Variants in ENTREP2 observed in about 807,000 individuals in gnomAD.
ENTREP2 encodes endosomal transmembrane epsin interactor 2.
At chr15:29,396,963 T>TAA in the ENTREP2 span, among the ~76,000 whole-genome samples, 1 of 152,160 alleles carries the variant, frequency 6.6e-6, no homozygotes, top group Non-Finnish European at 1.5e-5. Flanking sequence ...AATAAGCAGA[T>TAA]AGAGAAATTA....
the ENTREP2 span, among the ~76,000 whole-genome samples, chr15:29,411,660 T>C: frequency 9.8e-5 from 15 of 152,370 alleles, no homozygotes; most frequent in African/African-American, 3.4e-4. Flanking sequence ...AAAAAGAATG[T>C]TTAAATGTAC....
the ENTREP2 span, among the ~76,000 whole-genome samples, chr15:29,424,275 G>T: frequency 6.6e-6 from 1 of 152,144 alleles, no homozygotes; most frequent in Non-Finnish European, 1.5e-5. Flanking sequence ...CTGACTGGGT[G>T]GCTTTTGTTC....
chr15:29,136,345 G>C, the ENTREP2 span: 9 of 1,480,458 alleles, frequency 6.1e-6, no homozygotes, highest in South Asian at 9.4e-5. Flanking sequence ...AACTGGCTTT[G>C]TCTGGGGCCC....
At chr15:29,299,579 C>T in the ENTREP2 span, among the ~76,000 whole-genome samples, 64 of 152,284 alleles carry the variant, frequency 4.2e-4, no homozygotes, top group African/African-American at 1.5e-3. Flanking sequence ...TCTCAAGTCA[C>T]TTCTCAGTGG....
the ENTREP2 span, among the ~76,000 whole-genome samples, chr15:29,585,855 CAAAAAAAAA>C: frequency 1.6e-4 from 18 of 110,868 alleles, no homozygotes; most frequent in Non-Finnish European, 2.1e-4. Flanking sequence ...GACTCTGTCT[CAAAAAAAAA>C]AAAAAAAAAA....
chr15:29,405,804 C>T, the ENTREP2 span, among the ~76,000 whole-genome samples: 2 of 152,242 alleles, frequency 1.3e-5, no homozygotes, highest in Non-Finnish European at 2.9e-5. Context: ...TGGCCAGCGC[C>T]CACCTCCGGG....
the ENTREP2 span, among the ~76,000 whole-genome samples, chr15:29,284,153 G>T: frequency 6.6e-6 from 1 of 152,190 alleles, no homozygotes; most frequent in Non-Finnish European, 1.5e-5. Context: ...GATTGAAAGG[G>T]TTCTGAAAAT....
At chr15:29,134,489 C>T in the ENTREP2 span, among the ~76,000 whole-genome samples, 188 of 152,242 alleles carry the variant, frequency 1.2e-3, no homozygotes, top group Admixed American at 1.9e-3. Flanking sequence ...ACGGGCCAGC[C>T]GGAAGCTGAT....
chr15:29,140,103 C>T, the ENTREP2 span, among the ~76,000 whole-genome samples: 11 of 152,206 alleles, frequency 7.2e-5, no homozygotes, highest in Non-Finnish European at 1.5e-5. Context: ...AGCTGCCCTC[C>T]GCACTTATTC....
At chr15:29,349,115 A>G in the ENTREP2 span, among the ~76,000 whole-genome samples, 1 of 152,204 alleles carries the variant, frequency 6.6e-6, no homozygotes, top group African/African-American at 2.4e-5. Context: ...ACCCCCCGAA[A>G]GTTCACAGAC....
chr15:29,521,817 G>A, the ENTREP2 span, among the ~76,000 whole-genome samples: 1 of 152,060 alleles, frequency 6.6e-6, no homozygotes, highest in Non-Finnish European at 1.5e-5. Context: ...TATTTCCTCT[G>A]ATCCAGAGAC....
the ENTREP2 span, among the ~76,000 whole-genome samples, chr15:29,359,408 A>G: frequency 6.6e-6 from 1 of 152,138 alleles, no homozygotes; most frequent in Non-Finnish European, 1.5e-5. Context: ...ATGATTTTTA[A>G]AACTTCTTTT....
the ENTREP2 span, among the ~76,000 whole-genome samples, chr15:29,619,436 A>T: frequency 3.3e-3 from 498 of 152,102 alleles, 5 homozygotes; most frequent in African/African-American, 0.011. Flanking sequence ...CATGAGATAG[A>T]CATCCTTACT....
At chr15:29,613,541 CAA>C in the ENTREP2 span, 2 of 246,646 alleles carry the variant, frequency 8.1e-6, no homozygotes, top group African/African-American at 2.3e-5. Flanking sequence ...TGCCCTCACT[CAA>C]AGTGTTTGGC....
At chr15:29,578,993 A>G in the ENTREP2 span, among the ~76,000 whole-genome samples, 1 of 152,226 alleles carries the variant, frequency 6.6e-6, no homozygotes, top group Admixed American at 6.5e-5. Flanking sequence ...TAATGGTTTC[A>G]TTAGAATAAG....
At chr15:29,537,696 C>G in the ENTREP2 span, among the ~76,000 whole-genome samples, 1 of 152,116 alleles carries the variant, frequency 6.6e-6, no homozygotes, top group African/African-American at 2.4e-5. Flanking sequence ...TAAGTTAGGT[C>G]AGGTCACTCC....
chr15:29,624,333 G>GCGCA, the ENTREP2 span, among the ~76,000 whole-genome samples: 1 of 151,008 alleles, frequency 6.6e-6, no homozygotes, highest in African/African-American at 2.4e-5. Flanking sequence ...ATGCACGTGC[G>GCGCA]CACACACACA....
At chr15:29,427,411 T>G in the ENTREP2 span, among the ~76,000 whole-genome samples, 3 of 152,156 alleles carry the variant, frequency 2.0e-5, no homozygotes, top group Non-Finnish European at 4.4e-5. Flanking sequence ...GACCAAAAAC[T>G]CAGTGGCTTA....
chr15:29,156,545 A>G, the ENTREP2 span, among the ~76,000 whole-genome samples: 1 of 152,162 alleles, frequency 6.6e-6, no homozygotes, highest in South Asian at 2.1e-4. Context: ...AGGGCCTAGC[A>G]CAGAACTATA....
Sources: gnomAD v4.1 joint callset for allele counts (sites outside exome capture counted in the v4.1 genomes callset) on GRCh38, gnomAD v4.1.1 for gene constraint, MANE v1.5 for transcripts, NCBI Gene and HGNC (gene_info 2026-07-23, HGNC 2026-07-21) for gene names.